Variants in PRMT3 observed in about 807,000 individuals in gnomAD.
The protein encoded by PRMT3 is protein arginine methyltransferase 3, also known as protein arginine N-methyltransferase 3.
In PRMT3, 62 loss-of-function variants were observed where a neutral mutation model predicts 71.9. The observed-to-expected ratio is 0.86, with a 90% CI of 0.70 to 1.07. The LOEUF (loss-of-function observed/expected upper bound fraction) is 1.07. Among genes scored for constraint, PRMT3 ranks in the 50% least tolerant of loss-of-function variants. The pLI is 0.00. For missense variants in PRMT3, 663 were observed against 643.0 expected (o/e 1.03, Z -0.34); for synonymous variants, 213 against 220.4 (o/e 0.97, Z 0.30).
chr11:20,506,715 G>C (rs957313336), intron 15 of PRMT3, among the ~76,000 whole-genome samples: 15 of 152,194 alleles, frequency 9.9e-5, no homozygotes, highest in Admixed American at 7.8e-4. Context: ...ATTATATGGA[G>C]CCTCATTGTG....
At chr11:20,435,290 C>T (rs1473282728) in intron 10 of PRMT3, among the ~76,000 whole-genome samples, 1 of 152,154 alleles carries the variant, frequency 6.6e-6, no homozygotes, top group African/African-American at 2.4e-5. Flanking sequence ...CAACCTCTGC[C>T]TCCTGGGCTC....
In PRMT3 at chr11:20,438,547, G is replaced by C. The variant is rs139354762; in HGVS notation, c.993+11682G>C. Among the ~76,000 whole-genome samples, 93 of 152,210 alleles carry C rather than the reference G, an allele frequency of 6.1e-4. No individual in the cohort carries two copies. In the East Asian group the frequency reaches 0.016, roughly 26 times the overall value. On this transcript the variant is annotated intron_variant, in intron 10 of 15. Transcript: ENST00000331079. Reference sequence around the variant, plus strand: ...GTACTAGAGTCATTGTGTAGGGTGGGGTGTCTCAGCTCAGCCACTGCTCTT... The same window carrying C: ...GTACTAGAGTCATTGTGTAGGGTGGCGTGTCTCAGCTCAGCCACTGCTCTT...
rs150744196 is a variant in PRMT3, at chr11:20,439,039, G to A, written c.993+12174G>A. The stretch of plus-strand genomic sequence containing the variant: ...GGGGTGGTTCAGCAGCTTAGCCTTA[G>A]AGATGAAGGGGAGCCATGGCTACTC... On this transcript the variant is annotated intron_variant, in intron 10 of 15. Coordinates refer to ENST00000331079, the MANE Select transcript of PRMT3 (RefSeq NM_005788.4). Among the ~76,000 whole-genome samples the A allele has an allele frequency of 1.9e-4, 29 of 152,324 alleles. No individual in the cohort carries two copies. In the East Asian group the frequency reaches 5.6e-3, roughly 29 times the overall value.
chr11:20,447,495 G>A (rs569703404), intron 10 of PRMT3, among the ~76,000 whole-genome samples: 14 of 152,140 alleles, frequency 9.2e-5, no homozygotes, highest in African/African-American at 1.9e-4. Context: ...GTTTCTATGC[G>A]TTGATAATAA....
At chr11:20,466,594 C>G (rs1261797448) in intron 13 of PRMT3, among the ~76,000 whole-genome samples, 1 of 152,118 alleles carries the variant, frequency 6.6e-6, no homozygotes, top group Non-Finnish European at 1.5e-5. Context: ...TACTACAGAT[C>G]TGGAGTTTCA....
chr11:20,475,030 A>C (rs1565228729), intron 13 of PRMT3, among the ~76,000 whole-genome samples: 1 of 152,202 alleles, frequency 6.6e-6, no homozygotes, highest in East Asian at 1.9e-4. Flanking sequence ...ATTCTTAAAT[A>C]AGGAAGGGGT....
chr11:20,439,315 A>T (rs1374011099), intron 10 of PRMT3, among the ~76,000 whole-genome samples: 1 of 122,072 alleles, frequency 8.2e-6, no homozygotes, highest in Non-Finnish European at 1.7e-5. Context: ...CATAGGGAGA[A>T]GTTCTCCTGA....
chr11:20,474,262 C>G (rs1850724019), intron 13 of PRMT3, among the ~76,000 whole-genome samples: 1 of 152,200 alleles, frequency 6.6e-6, no homozygotes, highest in South Asian at 2.1e-4. Context: ...ACCATCTGGA[C>G]TCTCCAGAGC....
At chr11:20,472,006 G>T (rs1850658053) in intron 13 of PRMT3, among the ~76,000 whole-genome samples, 1 of 151,994 alleles carries the variant, frequency 6.6e-6, no homozygotes, top group African/African-American at 2.4e-5. Context: ...CTTGCCTGTT[G>T]TTGGTATATG....
At chr11:20,464,308 C>T in intron 12 of PRMT3, 152 bp from the exon 13 acceptor site, 1 of 1,023,980 alleles carries the variant, frequency 9.8e-7, no homozygotes, top group Non-Finnish European at 1.4e-6. Context: ...CAAAAATTAG[C>T]ATGTGAGTAA....
In PRMT3 at chr11:20,493,707, T is replaced by C. The variant is rs542855596; in HGVS notation, c.1348-212T>C. On this transcript the variant is annotated intron_variant, in intron 13 of 15. Coordinates refer to ENST00000331079, the MANE Select transcript of PRMT3 (RefSeq NM_005788.4). Reference sequence around the variant, plus strand: ...AATGTACTAATTATTTGATTAGCCTTATTACCTTTATTATGTTGTTTCTGT... The same window carrying C: ...AATGTACTAATTATTTGATTAGCCTCATTACCTTTATTATGTTGTTTCTGT... Among the ~76,000 whole-genome samples, 7 of 152,358 alleles carry C rather than the reference T, an allele frequency of 4.6e-5. No homozygotes were observed. In the South Asian group the frequency reaches 1.5e-3, roughly 32 times the overall value.
chr11:20,418,668 T>C (rs1169077513), intron 9 of PRMT3, among the ~76,000 whole-genome samples: 1 of 152,156 alleles, frequency 6.6e-6, no homozygotes, highest in Non-Finnish European at 1.5e-5. Flanking sequence ...CAGTTTTCTT[T>C]GAAGTGTTTG....
Position 20,462,137 on chromosome 11 carries a change from G to C in PRMT3, c.1230G>C (p.Lys410Asn). 1 of 1,611,612 alleles carries C rather than the reference G, an allele frequency of 6.2e-7. No individual in the cohort carries two copies. Among genetic ancestry groups the C allele is most frequent in the Non-Finnish European group, 8.5e-7 (1 of 1,178,314 alleles). ...CTGTTGTGGAAGTTTTAGATCCGAA[G>C]ACTCTTATTTCAGAACCTTGTGGTA... ...PEAVVEVLDP[K>N]TLISEPCGIK... The change falls in exon 12 of 16, where the codon AAG becomes AAC. Residue 410 changes from lysine to asparagine, a missense_variant. By Grantham distance (94) the Lys-to-Asn change is moderately conservative. Transcript: ENST00000331079.
chr11:20,415,060 T>G, intron 9 of PRMT3, among the ~76,000 whole-genome samples: 1 of 129,410 alleles, frequency 7.7e-6, no homozygotes, highest in African/African-American at 3.3e-5. Flanking sequence ...GTGTGTATTT[T>G]GGAAAAATAT....
chr11:20,483,699 G>A (rs2032756338), intron 13 of PRMT3, among the ~76,000 whole-genome samples: 1 of 152,180 alleles, frequency 6.6e-6, no homozygotes, highest in South Asian at 2.1e-4. Flanking sequence ...TCATTTAGAA[G>A]GAGAGGCCAA....
At chr11:20,489,237 A>G (rs917927569) in intron 13 of PRMT3, among the ~76,000 whole-genome samples, 4 of 152,184 alleles carry the variant, frequency 2.6e-5, no homozygotes, top group African/African-American at 7.2e-5. Context: ...ACTGTGGTAT[A>G]ATTCAGTGAA....
intron 12 of PRMT3, among the ~76,000 whole-genome samples, chr11:20,462,858 A>G (rs955330845): frequency 1.3e-5 from 2 of 150,780 alleles, no homozygotes; most frequent in Non-Finnish European, 3.0e-5. Flanking sequence ...GGTTCAGGAT[A>G]TTGTCTTTGT....
At chr11:20,468,451 C>T (rs1049289705) in intron 13 of PRMT3, among the ~76,000 whole-genome samples, 1 of 152,164 alleles carries the variant, frequency 6.6e-6, no homozygotes, top group South Asian at 2.1e-4. Context: ...CCACTGCAAC[C>T]TCCGCCTTCC....
Position 20,491,223 on chromosome 11 carries a change from C to T in PRMT3, c.1348-2696C>T, listed in dbSNP as rs181767164. ...TGGTTTCTCTGCTGAGAATTTCTGTCTTTTGATTCATTCCATTGTGTTTTC... is the reference window on the plus strand; with the variant it reads ...TGGTTTCTCTGCTGAGAATTTCTGTTTTTTGATTCATTCCATTGTGTTTTC... On this transcript the variant is annotated intron_variant, in intron 13 of 15. Transcript: ENST00000331079. 2.5e-3 allele frequency among the ~76,000 whole-genome samples: 384 copies of T among 152,134 alleles called. 1 individual carries two copies. The highest frequency in any genetic ancestry group is 5.2e-3 in the Admixed American group (79 of 15,270).
Sources: gnomAD v4.1 joint callset for allele counts (sites outside exome capture counted in the v4.1 genomes callset) on GRCh38, gnomAD v4.1.1 for gene constraint, MANE v1.5 for transcripts, NCBI Gene and HGNC (gene_info 2026-07-23, HGNC 2026-07-21) for gene names.